Variants in NWD1 observed in about 807,000 individuals in gnomAD.
NWD1 encodes the protein NACHT and WD repeat domain containing 1.
In NWD1, 129 loss-of-function variants were observed where a neutral mutation model predicts 135.1. The observed-to-expected ratio is 0.96, with a 90% CI of 0.83 to 1.11. The LOEUF (loss-of-function observed/expected upper bound fraction) is 1.11. Among genes scored for constraint, NWD1 ranks in the 50% least tolerant of loss-of-function variants. The pLI, the probability that NWD1 is intolerant of heterozygous loss-of-function variation, is 0.00. For synonymous variants in NWD1, 773 were observed against 786.0 expected (o/e 0.98, Z 0.28); for missense variants, 1,740 against 1,851.3 (o/e 0.94, Z 1.10).
At chr19:16,785,127 G>T (rs1331250560) in intron 12 of NWD1, among the ~76,000 whole-genome samples, 6 of 152,152 alleles carry the variant, frequency 3.9e-5, no homozygotes, top group Middle Eastern at 3.4e-3. Flanking sequence ...GTCTCCTTCT[G>T]GGGGGTTGCG....
Position 16,726,522 on chromosome 19 carries a change from C to T in NWD1, c.-7+2059C>T, listed in dbSNP as rs541703406. Among the ~76,000 whole-genome samples the T allele has an allele frequency of 5.5e-4, 83 of 152,176 alleles. 1 individual carries two copies. The highest frequency in any genetic ancestry group is 1.9e-3 in the African/African-American group (77 of 41,530). ...TGGTGTGATCTTAGTTCACTGCAAC[C>T]TCCACCTCCTGAGTTCAAGCGATTC... On this transcript the variant is annotated intron_variant, in intron 2 of 18. Transcript: ENST00000524140.
intron 3 of NWD1, among the ~76,000 whole-genome samples, chr19:16,733,520 CA>C (rs11436280): frequency 0.56 from 74,369 of 133,040 alleles, 19,421 homozygotes; most frequent in Non-Finnish European, 0.58. Flanking sequence ...GATTCTGTCT[CA>C]AAAAAAAAAA....
intron 17 of NWD1, among the ~76,000 whole-genome samples, chr19:16,803,709 G>A (rs1449922881): frequency 1.3e-5 from 2 of 150,996 alleles, no homozygotes; most frequent in Non-Finnish European, 2.9e-5. Flanking sequence ...TTGAGGTCAG[G>A]AGTTGGAGAC....
At chr19:16,796,130 C>A (rs1205998525) in intron 15 of NWD1, among the ~76,000 whole-genome samples, 1 of 151,938 alleles carries the variant, frequency 6.6e-6, no homozygotes, top group African/African-American at 2.4e-5. Flanking sequence ...TATTGGAAAA[C>A]GTAACATTCA....
Position 16,749,934 on chromosome 19 carries a change from C to A in NWD1, c.1292C>A (p.Ser431Tyr), listed in dbSNP as rs752206353. The A allele has an allele frequency of 9.3e-6, 15 of 1,613,616 alleles. No individual in the cohort carries two copies. Among genetic ancestry groups the A allele is most frequent in the Non-Finnish European group, 1.3e-5 (15 of 1,180,042 alleles). Residue 431 changes from serine (S) to tyrosine (Y), a missense_variant, in exon 6 of 19, where the codon TCT becomes TAT. Coordinates refer to ENST00000524140, the MANE Select transcript of NWD1 (RefSeq NM_001007525.5). ...LHTVSCRNFESLVLLLDAMDD... is the reference protein window; with the variant it reads ...LHTVSCRNFEYLVLLLDAMDD... The stretch of plus-strand genomic sequence containing the variant: ...ACTGTCTCTTGCAGAAACTTCGAGT[C>A]TCTCGTGCTCCTGCTGGATGCTATG...
rs200226720 is a variant in NWD1, at chr19:16,773,939, TATCCATCC to T, written c.2608+647_2608+654del. On this transcript the variant is annotated intron_variant, in intron 11 of 18. Coordinates refer to ENST00000524140, the MANE Select transcript of NWD1 (RefSeq NM_001007525.5). ...CCACCCATCCATTCATCCATCCATC[TATCCATCC>T]ATCCATCCATCCATCCATCCATCCA... Among the ~76,000 whole-genome samples the T allele has an allele frequency of 1.3e-3, 158 of 124,486 alleles. 1 individual carries two copies. The highest frequency in any genetic ancestry group is 9.5e-3 in the Middle Eastern group (2 of 210). 81.7% of individuals were successfully genotyped at this position (124,486 alleles called of 152,430 possible). A position where few individuals can be genotyped will look rare whatever the true frequency, so the allele number is the denominator to read the frequency against.
Position 16,789,163 on chromosome 19 carries a change from A to G in NWD1, c.2913A>G (p.Lys971=). ...ACCTTCATGTGGATGAGGCACACAA[A>G]GTTGTGTATTCAGCATCTGGCTCAA... ...IWNLHVDEAH[K]VVYSASGSKI... The change falls in exon 13 of 19, where the codon AAA becomes AAG. Residue 971 remains lysine, a synonymous_variant. Coordinates refer to ENST00000524140, the MANE Select transcript of NWD1 (RefSeq NM_001007525.5). The G allele has an allele frequency of 6.2e-7, 1 of 1,614,058 alleles. No homozygotes were observed. Among genetic ancestry groups the G allele is most frequent in the South Asian group, 1.1e-5 (1 of 91,080 alleles).
chr19:16,728,771 T>C (rs777012404), intron 2 of NWD1, among the ~76,000 whole-genome samples: 85 of 148,838 alleles, frequency 5.7e-4, no homozygotes, highest in Non-Finnish European at 8.3e-4. Context: ...AGTGAAACCC[T>C]GTCTCTACTA....
At chr19:16,795,280 C>T (rs2123072807) in intron 15 of NWD1, among the ~76,000 whole-genome samples, 1 of 152,328 alleles carries the variant, frequency 6.6e-6, no homozygotes, top group Admixed American at 6.5e-5. Context: ...GTCCAGCTGG[C>T]TGCTTCAAGC....
rs769699990 is a variant in NWD1, at chr19:16,806,742, C to T, written c.3737-844C>T. Among the ~76,000 whole-genome samples the T allele has an allele frequency of 1.7e-4, 25 of 149,684 alleles. 1 individual carries two copies. Among genetic ancestry groups the T allele is most frequent in the African/African-American group, 3.9e-4 (16 of 40,522 alleles). ...AATAAATACATAAATAGGCTGGGCG[C>T]GATGGCTCATGCCTGTAATCCCAGC... On this transcript the variant is annotated intron_variant, in intron 17 of 18. Transcript: ENST00000524140.
intron 16 of NWD1, among the ~76,000 whole-genome samples, chr19:16,799,454 A>G (rs1970527025): frequency 6.6e-6 from 1 of 152,036 alleles, no homozygotes; most frequent in Non-Finnish European, 1.5e-5. Flanking sequence ...TCAGCCTTCC[A>G]AAGTGCTGGG....
intron 1 of NWD1, among the ~76,000 whole-genome samples, chr19:16,722,348 G>T (rs924535195): frequency 6.6e-6 from 1 of 151,078 alleles, no homozygotes; most frequent in African/African-American, 2.4e-5. Context: ...GAGTGCAATG[G>T]TGCGATCTCA....
chr19:16,738,362 A>G (rs1270353603), intron 4 of NWD1: 8 of 316,884 alleles, frequency 2.5e-5, no homozygotes, highest in Non-Finnish European at 4.0e-5. Flanking sequence ...TGAGGTCAGG[A>G]GTTTGAGAGC....
rs370747842 is a variant in NWD1 at position 16,748,904 on chromosome 19, C to G, written c.497-235C>G. Among the ~76,000 whole-genome samples, 31 of 152,224 alleles carry G rather than the reference C, an allele frequency of 2.0e-4. 1 individual carries two copies. The South Asian group carries it at 6.4e-3, about 32-fold the overall frequency. ...TGGGTGCAGTCCCTGGACCAGCAAG[C>G]CTTGGCTTGTTGCAAATGCAAACTC... On this transcript the variant is annotated intron_variant, in intron 5 of 18. Coordinates refer to ENST00000524140, the MANE Select transcript of NWD1 (RefSeq NM_001007525.5).
At chr19:16,773,039 A>G in intron 10 of NWD1, 87 bp from the exon 11 acceptor site, 1 of 1,095,966 alleles carries the variant, frequency 9.1e-7, no homozygotes, top group South Asian at 1.3e-5. Context: ...TTTGTTCTGG[A>G]GCCCCTGCAG....
intron 4 of NWD1, among the ~76,000 whole-genome samples, chr19:16,737,013 G>A (rs866403592): frequency 1.1e-4 from 17 of 152,224 alleles, no homozygotes; most frequent in African/African-American, 3.6e-4. Context: ...CTTGGAATTT[G>A]ATCTGGACTT....
chr19:16,743,248 T>C (rs1459171567), intron 4 of NWD1, among the ~76,000 whole-genome samples: 1 of 151,430 alleles, frequency 6.6e-6, no homozygotes, highest in African/African-American at 2.4e-5. Context: ...TCTCACTCTG[T>C]CCCCCAGGCT....
At chr19:16,773,455 C>A in intron 11 of NWD1, 132 bp downstream of exon 11, 1 of 686,252 alleles carries the variant, frequency 1.5e-6, no homozygotes, top group East Asian at 2.7e-5. Flanking sequence ...GCCATCAGAG[C>A]CTGCCCCTGC....
Position 16,733,846 on chromosome 19 carries a change from A to ATCAG in NWD1, c.81+2568_81+2569insTCAG, listed in dbSNP as rs1166993221. 6.6e-5 allele frequency among the ~76,000 whole-genome samples: 10 copies of ATCAG among 151,888 alleles called. No homozygotes were observed. In the East Asian group the frequency reaches 1.7e-3, roughly 26 times the overall value. On this transcript the variant is annotated intron_variant, in intron 3 of 18. Coordinates refer to ENST00000524140, the MANE Select transcript of NWD1 (RefSeq NM_001007525.5). ...AGCTCCTTCCAGAGGCTGGCTCCTG[A>ATCAG]CCCCTTTTCCTTTCCTGCTCCTCTA...
Sources: gnomAD v4.1 joint callset for allele counts (sites outside exome capture counted in the v4.1 genomes callset) on GRCh38, gnomAD v4.1.1 for gene constraint, MANE v1.5 for transcripts, NCBI Gene and HGNC (gene_info 2026-07-23, HGNC 2026-07-21) for gene names.